The following ATP9A variants were observed in gnomAD, a reference collection of about 807,000 sequenced individuals.
The protein encoded by ATP9A is probable phospholipid-transporting ATPase IIA.
ATP9A carries 52 observed loss-of-function variants against 144.1 expected under a neutral mutation model. The observed-to-expected ratio is 0.36, with a 90% CI of 0.29 to 0.45. The LOEUF is 0.45. ATP9A is among the 20% of genes least tolerant of loss of function. ATP9A has a pLI of 1.00. For missense variants in ATP9A, 947 were observed against 1,392.7 expected (o/e 0.68, Z 5.09); for synonymous variants, 582 against 557.4 (o/e 1.04, Z -0.62).
intron 1 of ATP9A, among the ~76,000 whole-genome samples, chr20:51,737,554 T>C (rs2077767754): frequency 6.6e-6 from 1 of 152,148 alleles, no homozygotes; most frequent in Admixed American, 6.6e-5. Flanking sequence ...CTAAGAAGCG[T>C]ATTCACAGAA....
intron 15 of ATP9A, among the ~76,000 whole-genome samples, chr20:51,631,934 T>C (rs1010636499): frequency 6.6e-6 from 1 of 152,244 alleles, no homozygotes; most frequent in East Asian, 1.9e-4. Context: ...GCTTTGTGGG[T>C]GCAAGAAGGT....
At position 51,735,566 on chromosome 20, in the gene ATP9A, C is replaced by T. The variant is rs148306557; in HGVS notation, c.69-5588G>A. On this transcript the variant is annotated intron_variant, in intron 1 of 27. Transcript: ENST00000338821. The stretch of plus-strand genomic sequence containing the variant: ...CTATTCTAGGTCCTCTGGGACCAAA[C>T]ATTGGAACAGAATCCTTGCCTTCTC... 6.9e-3 allele frequency among the ~76,000 whole-genome samples: 1,046 copies of T among 152,330 alleles called. 62 individuals carry two copies. Among genetic ancestry groups the T allele is most frequent in the Admixed American group, 0.061 (930 of 15,296 alleles).
At chr20:51,628,886 G>T (rs753529758) in intron 16 of ATP9A, 94 bp downstream of exon 16, 1 of 1,046,754 alleles carries the variant, frequency 9.6e-7, no homozygotes, top group East Asian at 2.4e-5. Context: ...CACAGCCACC[G>T]ATAACAAATA....
chr20:51,656,825 T>A (rs1051546302), intron 14 of ATP9A, 113 bp downstream of exon 14: 3 of 943,486 alleles, frequency 3.2e-6, no homozygotes, highest in Admixed American at 2.4e-5. Flanking sequence ...CAGCCCTGCA[T>A]CATCCTGGCT....
chr20:51,638,071 T>TTATA (rs56043552), intron 15 of ATP9A, among the ~76,000 whole-genome samples: 443 of 33,650 alleles, frequency 0.013, 10 homozygotes, highest in South Asian at 0.018. Context: ...TTTCATCATT[T>TTATA]TATATATATA....
At chr20:51,682,577 C>CATTTTTTT (rs2077504509) in intron 9 of ATP9A, among the ~76,000 whole-genome samples, 1 of 35,076 alleles carries the variant, frequency 2.9e-5, no homozygotes, top group Non-Finnish European at 5.3e-5. Context: ...TTCACTGTAT[C>CATTTTTTT]TTTTTTTTTT....
intron 3 of ATP9A, among the ~76,000 whole-genome samples, chr20:51,716,739 G>T (rs1347033770): frequency 6.6e-6 from 1 of 152,166 alleles, no homozygotes; most frequent in African/African-American, 2.4e-5. Flanking sequence ...TGTTTCCTGA[G>T]AATTCTATAC....
At chr20:51,746,992 C>T (rs893883911) in intron 1 of ATP9A, among the ~76,000 whole-genome samples, 10 of 151,360 alleles carry the variant, frequency 6.6e-5, no homozygotes, top group African/African-American at 9.7e-5. Context: ...GGCAACAGAG[C>T]GAGACTCCGT....
At chr20:51,614,544 G>A (rs905912290) in intron 22 of ATP9A, among the ~76,000 whole-genome samples, 1 of 151,854 alleles carries the variant, frequency 6.6e-6, no homozygotes, top group Non-Finnish European at 1.5e-5. Flanking sequence ...CAAGCCATCC[G>A]CCCACCTCAG....
intron 11 of ATP9A, among the ~76,000 whole-genome samples, chr20:51,672,707 A>G (rs563727094): frequency 1.2e-4 from 18 of 152,340 alleles, no homozygotes; most frequent in Non-Finnish European, 1.9e-4. Flanking sequence ...ATAAGCACTA[A>G]AAGTTTCAGG....
At chr20:51,691,353 C>T (rs774546546) in intron 7 of ATP9A, among the ~76,000 whole-genome samples, 5 of 152,166 alleles carry the variant, frequency 3.3e-5, no homozygotes, top group Non-Finnish European at 7.3e-5. Context: ...CCTGTAATTG[C>T]GGCTACTCAG....
intron 3 of ATP9A, among the ~76,000 whole-genome samples, chr20:51,721,285 G>C (rs567398279): frequency 2.0e-5 from 3 of 152,166 alleles, no homozygotes; most frequent in African/African-American, 7.2e-5. Flanking sequence ...TCTTTAAGGA[G>C]AGCCTAAATC....
intron 3 of ATP9A, among the ~76,000 whole-genome samples, chr20:51,719,144 G>A (rs4809865): frequency 0.22 from 32,732 of 151,060 alleles, 4,170 homozygotes; most frequent in East Asian, 0.45. Flanking sequence ...AAAAAAGAGA[G>A]AGAGATGTGG....
In ATP9A at chr20:51,611,316, A is replaced by G. The variant is rs1202423193; in HGVS notation, c.2572-1151T>C. Among the ~76,000 whole-genome samples the G allele has an allele frequency of 2.0e-5, 3 of 152,220 alleles. No homozygotes were observed. Among genetic ancestry groups the G allele is most frequent in the African/African-American group, 7.2e-5 (3 of 41,448 alleles). On this transcript the variant is annotated intron_variant, in intron 23 of 27. Transcript: ENST00000338821. This position sits in a 1 kb window ranked among gnomAD's most constrained non-coding sequence, Gnocchi z 4.2. ...CCCAGTTCGCCCTGGCTGCGCCGGA[A>G]AAGCCACTTTTCCAGTGACTTTTCA...
At chr20:51,626,009 AG>A (rs1018649127) in intron 17 of ATP9A, among the ~76,000 whole-genome samples, 4 of 152,256 alleles carry the variant, frequency 2.6e-5, no homozygotes, top group Admixed American at 1.3e-4. Context: ...GGAGCAGGGC[AG>A]GGCCCCACGA....
chr20:51,760,444 G>A (rs1253650174), intron 1 of ATP9A, among the ~76,000 whole-genome samples: 1 of 152,126 alleles, frequency 6.6e-6, no homozygotes, highest in Non-Finnish European at 1.5e-5. Flanking sequence ...TGTAAGTACT[G>A]GGCAGGGCAC....
chr20:51,750,499 G>A (rs2077826769), intron 1 of ATP9A, among the ~76,000 whole-genome samples: 1 of 152,194 alleles, frequency 6.6e-6, no homozygotes. Context: ...CCAGAAAACA[G>A]GACAGAATCC....
chr20:51,702,365 C>T (rs928637431), intron 4 of ATP9A, among the ~76,000 whole-genome samples: 10 of 130,214 alleles, frequency 7.7e-5, no homozygotes, highest in African/African-American at 2.2e-4. Flanking sequence ...TGTGTGTGTT[C>T]GTGTGTGTGT....
chr20:51,655,214 A>T (rs1243363826), intron 14 of ATP9A, among the ~76,000 whole-genome samples: 3 of 152,232 alleles, frequency 2.0e-5, no homozygotes, highest in African/African-American at 7.2e-5. Context: ...TAGAAAACAG[A>T]AATGATAAAA....
Sources: allele counts gnomAD v4.1 joint callset (sites outside exome capture counted in the v4.1 genomes callset), GRCh38; gene constraint gnomAD v4.1.1; non-coding constraint Gnocchi (gnomAD v3.1); transcripts MANE v1.5; gene names NCBI Gene and HGNC (gene_info 2026-07-23, HGNC 2026-07-21).